Variants in TP63 observed in about 807,000 individuals in gnomAD.
The protein encoded by TP63 is tumor protein p63, also known as tumor protein 63.
In TP63, 17 loss-of-function variants were observed where a neutral mutation model predicts 82.8. The ratio of observed to expected loss-of-function variants is 0.21; its 90% CI spans 0.14 to 0.31. The LOEUF (loss-of-function observed/expected upper bound fraction) is 0.31, where lower values mean the gene tolerates loss of function less well. TP63 is among the 10% of genes least tolerant of loss of function. TP63 has a pLI of 1.00. For synonymous variants in TP63, 330 were observed against 321.7 expected, an observed-to-expected ratio of 1.03 and a Z score of -0.28; for missense variants, 648 against 895.3, an observed-to-expected ratio of 0.72 and a Z score of 3.52.
At chr3:189,835,640 G>C (rs570015133) in intron 4 of TP63, among the ~76,000 whole-genome samples, 1 of 152,230 alleles carries the variant, frequency 6.6e-6, no homozygotes, top group Non-Finnish European at 1.5e-5. Flanking sequence ...AGTGGGGAAG[G>C]CGGCTGGGTG....
chr3:189,816,840 A>T (rs569077051), intron 4 of TP63, among the ~76,000 whole-genome samples: 17 of 152,248 alleles, frequency 1.1e-4, no homozygotes, highest in Non-Finnish European at 2.4e-4. Flanking sequence ...AATGATCATG[A>T]CCTTATCATT....
intron 1 of TP63, among the ~76,000 whole-genome samples, chr3:189,731,188 A>G (rs1246969790): frequency 6.6e-6 from 1 of 152,174 alleles, no homozygotes; most frequent in Non-Finnish European, 1.5e-5. Flanking sequence ...TACGAAAAAT[A>G]CAAAAATTAG....
chr3:189,840,877 A>C (rs969775015), intron 4 of TP63, among the ~76,000 whole-genome samples: 2 of 149,030 alleles, frequency 1.3e-5, no homozygotes, highest in African/African-American at 2.5e-5. Context: ...AAAAAAAAAA[A>C]ACAACTATTC....
intron 3 of TP63, among the ~76,000 whole-genome samples, chr3:189,751,644 T>C (rs1022799643): frequency 2.0e-5 from 3 of 152,236 alleles, no homozygotes. Context: ...GTTCATATCC[T>C]TCACCCACTT....
chr3:189,694,228 A>G (rs936516921), intron 1 of TP63, among the ~76,000 whole-genome samples: 1 of 152,240 alleles, frequency 6.6e-6, no homozygotes, highest in Admixed American at 6.5e-5. Context: ...TGATAGTCAA[A>G]GGAGTTTCCA....
chr3:189,835,462 A>G (rs1483463334), intron 4 of TP63, among the ~76,000 whole-genome samples: 1 of 152,180 alleles, frequency 6.6e-6, no homozygotes, highest in East Asian at 1.9e-4. Context: ...GAATAGAAAT[A>G]CTTACCATGG....
chr3:189,705,394 CTTCAT>C (rs1367973259), intron 1 of TP63, among the ~76,000 whole-genome samples: 2 of 152,084 alleles, frequency 1.3e-5, no homozygotes, highest in Non-Finnish European at 2.9e-5. Flanking sequence ...TGAGTTTTTT[CTTCAT>C]TTCAACGCTT....
chr3:189,746,642 T>A lies in TP63; in HGVS notation c.324+7868T>A, dbSNP rs113193343. 3.4e-3 allele frequency among the ~76,000 whole-genome samples: 516 copies of A among 152,014 alleles called. 2 individuals carry two copies. Among genetic ancestry groups the A allele is most frequent in the Non-Finnish European group, 5.7e-3 (388 of 67,904 alleles). On this transcript the variant is annotated intron_variant, in intron 3 of 13. Coordinates refer to ENST00000264731, the MANE Select transcript of TP63 (RefSeq NM_003722.5). ...AACTGTTAAATAAGGGAACAAAGAC[T>A]ACACAAAAGTACCAGCAATTAATAA...
chr3:189,870,755 G>A lies in TP63; in HGVS notation c.1212+1349G>A, dbSNP rs181227468. Among the ~76,000 whole-genome samples the A allele has an allele frequency of 1.5e-3, 224 of 152,248 alleles. 2 individuals are homozygous for A. The highest frequency in any genetic ancestry group is 3.4e-3 in the Middle Eastern group (1 of 294). On this transcript the variant is annotated intron_variant, in intron 9 of 13. Transcript: ENST00000264731. ...GCATTAGGTCTTTGCCATGTAGGGT[G>A]GCAATGACGTTTTGGTGGCTGGCAT...
intron 1 of TP63, among the ~76,000 whole-genome samples, chr3:189,661,453 TGC>T (rs1473826859): frequency 6.6e-6 from 1 of 152,148 alleles, no homozygotes; most frequent in Admixed American, 6.6e-5. Context: ...AACTTTTTGA[TGC>T]GCTGCTGGAT....
At chr3:189,812,073 C>T (rs1247395859) in intron 4 of TP63, among the ~76,000 whole-genome samples, 2 of 152,174 alleles carry the variant, frequency 1.3e-5, no homozygotes, top group African/African-American at 4.8e-5. Flanking sequence ...TCATGCTTAT[C>T]GCATAGTCTT....
At chr3:189,866,219 A>G (rs926315841) in intron 5 of TP63, among the ~76,000 whole-genome samples, 14 of 152,370 alleles carry the variant, frequency 9.2e-5, no homozygotes, top group African/African-American at 3.4e-4. Flanking sequence ...GGAGGAAAGA[A>G]GAAGAAGTGG....
At chr3:189,873,154 CT>C (rs1191349649) in intron 10 of TP63, 159 bp downstream of exon 10, 4 of 1,013,664 alleles carry the variant, frequency 3.9e-6, no homozygotes, top group African/African-American at 3.2e-5. Context: ...CAGTTGCAAC[CT>C]TTTTTACGTG....
chr3:189,806,346 G>A (rs1726903825), intron 3 of TP63, among the ~76,000 whole-genome samples: 1 of 152,092 alleles, frequency 6.6e-6, no homozygotes, highest in Non-Finnish European at 1.5e-5. Context: ...TTTTGTCAGG[G>A]ACGGCTGCCT....
rs1720839263 is a variant in TP63 at position 189,739,685 on chromosome 3, AGG to A, written c.324+912_324+913del. 2.0e-5 allele frequency among the ~76,000 whole-genome samples: 3 copies of A among 152,080 alleles called. No homozygotes were observed. The East Asian group carries it at 5.8e-4, about 29-fold the overall frequency. ...AGATCATAGGTGTTACATACTTCCC[AGG>A]TAAGCTAAGGAGTTTAATGGGTTAA... On this transcript the variant is annotated intron_variant, in intron 3 of 13. Transcript: ENST00000264731.
chr3:189,707,114 T>A (rs2108748986), intron 1 of TP63, among the ~76,000 whole-genome samples: 1 of 152,360 alleles, frequency 6.6e-6, no homozygotes, highest in African/African-American at 2.4e-5. Context: ...ACATGATCAT[T>A]TTTAATAGTA....
intron 4 of TP63, among the ~76,000 whole-genome samples, chr3:189,829,233 C>T (rs1015662663): frequency 6.6e-6 from 1 of 152,136 alleles, no homozygotes; most frequent in Non-Finnish European, 1.5e-5. Flanking sequence ...GACCCAAGAC[C>T]CAACCATCTT....
rs397991949 is a variant in TP63, at chr3:189,663,521, C to CTTTTTTTTTTTTTTTTTTT, written c.62+31950_62+31968dup. 3.5e-5 allele frequency among the ~76,000 whole-genome samples: 3 copies of CTTTTTTTTTTTTTTTTTTT among 84,530 alleles called. 1 individual carries two copies. Among genetic ancestry groups the CTTTTTTTTTTTTTTTTTTT allele is most frequent in the East Asian group, 3.9e-4 (1 of 2,566 alleles). 55.5% of individuals were successfully genotyped at this position (84,530 alleles called of 152,430 possible). A position where few individuals can be genotyped will look rare whatever the true frequency, so the allele number is the denominator to read the frequency against. ...ATTTAAGTGGCTTATTTCATTCATT[C>CTTTTTTTTTTTTTTTTTTT]TTTTTTTTTTTTTTTTTTTTTTTTG... On this transcript the variant is annotated intron_variant, in intron 1 of 13. Transcript: ENST00000264731.
intron 3 of TP63, among the ~76,000 whole-genome samples, chr3:189,753,774 C>T (rs77642186): frequency 6.6e-6 from 1 of 151,994 alleles, no homozygotes; most frequent in African/African-American, 2.4e-5. Context: ...AATTATTTAA[C>T]CTATTTTTAG....
Sources: allele counts gnomAD v4.1 joint callset (sites outside exome capture counted in the v4.1 genomes callset), GRCh38; gene constraint gnomAD v4.1.1; transcripts MANE v1.5; gene names NCBI Gene and HGNC (gene_info 2026-07-23, HGNC 2026-07-21).